Variants in IGF2R observed in about 807,000 individuals in gnomAD.
IGF2R encodes insulin like growth factor 2 receptor.
Under a neutral mutation model 270.6 loss-of-function variants are expected in IGF2R, and 91 were observed. The observed-to-expected ratio is 0.34, with a 90% CI of 0.28 to 0.40. The LOEUF (loss-of-function observed/expected upper bound fraction) is 0.40. Ranked by LOEUF, IGF2R falls within the 10% of genes least tolerant of loss-of-function variation. IGF2R has a pLI of 1.00. For missense variants in IGF2R, 2,805 were observed against 3,188.3 expected, an observed-to-expected ratio of 0.88 and a Z score of 2.90; for synonymous variants, 1,316 against 1,258.9, an observed-to-expected ratio of 1.05 and a Z score of -0.96.
At chr6:160,103,155 G>A (rs1277104714) in intron 46 of IGF2R, among the ~76,000 whole-genome samples, 1 of 152,046 alleles carries the variant, frequency 6.6e-6, no homozygotes, top group Non-Finnish European at 1.5e-5. Context: ...TCTGACCTGG[G>A]GGCAGGAGCT....
intron 4 of IGF2R, among the ~76,000 whole-genome samples, chr6:160,018,481 T>C (rs1270894638): frequency 6.6e-6 from 1 of 152,128 alleles, no homozygotes; most frequent in East Asian, 1.9e-4. Flanking sequence ...ACCTAACAGA[T>C]ATTTATAGAA....
At chr6:160,067,706 G>T (rs1289602953) in intron 29 of IGF2R, among the ~76,000 whole-genome samples, 1 of 152,186 alleles carries the variant, frequency 6.6e-6, no homozygotes, top group African/African-American at 2.4e-5. Flanking sequence ...GCATGGGGTT[G>T]GTTCCCAGTT....
At chr6:159,979,463 C>T (rs951744378) in intron 1 of IGF2R, among the ~76,000 whole-genome samples, 1 of 152,200 alleles carries the variant, frequency 6.6e-6, no homozygotes, top group Non-Finnish European at 1.5e-5. Flanking sequence ...CAGCACTTCT[C>T]TCTTCTCTTT....
intron 19 of IGF2R, among the ~76,000 whole-genome samples, chr6:160,054,474 T>C (rs967003816): frequency 1.3e-5 from 2 of 152,194 alleles, no homozygotes; most frequent in Non-Finnish European, 2.9e-5. Flanking sequence ...GATTGTTGTG[T>C]TGTCAGAACC....
At chr6:160,022,344 A>G (rs1777457113) in intron 4 of IGF2R, among the ~76,000 whole-genome samples, 1 of 152,224 alleles carries the variant, frequency 6.6e-6, no homozygotes, top group Non-Finnish European at 1.5e-5. Flanking sequence ...AGACCTCACC[A>G]CTGTGCAATA....
chr6:159,979,477 C>G (rs1218871829), intron 1 of IGF2R, among the ~76,000 whole-genome samples: 1 of 152,190 alleles, frequency 6.6e-6, no homozygotes, highest in East Asian at 1.9e-4. Context: ...TCTCTTTTGT[C>G]TCTTTTTACA....
chr6:159,998,532 A>C lies in IGF2R; in HGVS notation c.289+7209A>C, dbSNP rs1054107814. 2.0e-5 allele frequency among the ~76,000 whole-genome samples: 3 copies of C among 152,216 alleles called. No individual in the cohort carries two copies. Among genetic ancestry groups the C allele is most frequent in the Non-Finnish European group, 4.4e-5 (3 of 68,022 alleles). On this transcript the variant is annotated intron_variant, in intron 2 of 47. Coordinates refer to ENST00000356956, the MANE Select transcript of IGF2R (RefSeq NM_000876.4). The surrounding 1 kb of genome is among the most constrained non-coding windows in gnomAD (Gnocchi z 4.1). ...GGAAGCTGGCCCCGTGGAATAGGAA[A>C]CGATGCCTACAGGGGAGATACCAAA...
chr6:159,979,985 A>G (rs1783754406), intron 1 of IGF2R, among the ~76,000 whole-genome samples: 1 of 152,008 alleles, frequency 6.6e-6, no homozygotes, highest in Non-Finnish European at 1.5e-5. Flanking sequence ...AGGTCAGGAG[A>G]TCGAGACCAC....
At chr6:160,000,422 C>T (rs942491549) in intron 2 of IGF2R, among the ~76,000 whole-genome samples, 2 of 152,168 alleles carry the variant, frequency 1.3e-5, no homozygotes, top group Non-Finnish European at 2.9e-5. Flanking sequence ...GGGGATGGTG[C>T]TACACCATTG....
chr6:159,989,334 G>C (rs563898108), intron 1 of IGF2R, among the ~76,000 whole-genome samples: 2 of 152,278 alleles, frequency 1.3e-5, no homozygotes, highest in East Asian at 3.9e-4. Flanking sequence ...CCTGGTGGTT[G>C]GTTTTGTGCT....
At chr6:160,071,141 C>T (rs1473326498) in intron 31 of IGF2R, among the ~76,000 whole-genome samples, 1 of 139,672 alleles carries the variant, frequency 7.2e-6, no homozygotes, top group African/African-American at 2.7e-5. Flanking sequence ...GTGGGGGCCT[C>T]TGTGCCCCAG....
intron 29 of IGF2R, 142 bp downstream of exon 29, chr6:160,065,043 G>A (rs1778534114): frequency 7.9e-6 from 5 of 633,288 alleles, no homozygotes; most frequent in Non-Finnish European, 1.4e-5. Flanking sequence ...AAAATGAGGA[G>A]TCGGGCTAGG....
chr6:159,974,089 A>G (rs1374973009), intron 1 of IGF2R, among the ~76,000 whole-genome samples: 2 of 152,228 alleles, frequency 1.3e-5, no homozygotes, highest in East Asian at 3.8e-4. Flanking sequence ...ATGCCGAATT[A>G]CAATTTTGCA....
chr6:160,091,340 G>A (rs535060721), intron 44 of IGF2R, among the ~76,000 whole-genome samples: 1 of 139,530 alleles, frequency 7.2e-6, no homozygotes, highest in African/African-American at 2.6e-5. Context: ...GCGCATCGCC[G>A]AGAAGGAGCA....
At position 160,048,548 on chromosome 6, in the gene IGF2R, A is replaced by C; in HGVS notation, c.2514+5A>C. On this transcript the variant is annotated splice_donor_5th_base_variant and intron_variant, in intron 18 of 47. Coordinates refer to ENST00000356956, the MANE Select transcript of IGF2R (RefSeq NM_000876.4). ...ATGAAGTATGAAAAAGATCAGGTGA[A>C]TCTGTTTTCACTGCTTGTCTCCTTT... 1 of 1,612,608 alleles carries C rather than the reference A, an allele frequency of 6.2e-7. No homozygotes were observed. The highest frequency in any genetic ancestry group is 8.5e-7 in the Non-Finnish European group (1 of 1,179,380).
intron 1 of IGF2R, among the ~76,000 whole-genome samples, chr6:159,986,528 A>G (rs1357097565): frequency 6.6e-6 from 1 of 151,412 alleles, no homozygotes; most frequent in East Asian, 1.9e-4. Context: ...TTGGCCTCCC[A>G]AAGTGCTGTG....
At chr6:160,033,249 A>C in intron 9 of IGF2R, 142 bp downstream of exon 9, 1 of 587,412 alleles carries the variant, frequency 1.7e-6, no homozygotes. Flanking sequence ...TAATTCTCCC[A>C]CCTCAGCCTC....
intron 32 of IGF2R, among the ~76,000 whole-genome samples, chr6:160,072,426 G>A (rs948580869): frequency 2.0e-5 from 3 of 152,188 alleles, no homozygotes; most frequent in African/African-American, 7.2e-5. Context: ...CTTGTGCTGG[G>A]CACCCAGAAA....
chr6:160,089,852 G>A (rs1419971041), intron 43 of IGF2R, 64 bp from the exon 44 acceptor site: 1 of 1,195,782 alleles, frequency 8.4e-7, no homozygotes, highest in East Asian at 2.7e-5. Context: ...AGGACTGAGG[G>A]TTTATGTCAT....
Sources: allele counts gnomAD v4.1 joint callset (sites outside exome capture counted in the v4.1 genomes callset), GRCh38; gene constraint gnomAD v4.1.1; non-coding constraint Gnocchi (gnomAD v3.1); transcripts MANE v1.5; gene names NCBI Gene and HGNC (gene_info 2026-07-23, HGNC 2026-07-21).